INTS9: variants seen among roughly 807,000 people sequenced by gnomAD.
INTS9 encodes the protein protein related to CPSF subunits of 74 kDa.
In INTS9, 55 loss-of-function variants were observed where a neutral mutation model predicts 79.7. The observed-to-expected ratio is 0.69, with a 90% confidence interval of 0.56 to 0.86. The LOEUF is 0.86. INTS9 is among the 40% of genes least tolerant of loss of function. The pLI is 0.00. For synonymous variants in INTS9, 319 were observed against 325.2 expected (o/e 0.98, Z 0.20); for missense variants, 721 against 831.5 (o/e 0.87, Z 1.64).
chr8:28,781,959 C>T (rs1366386802), intron 11 of INTS9, among the ~76,000 whole-genome samples: 1 of 152,148 alleles, frequency 6.6e-6, no homozygotes, highest in Non-Finnish European at 1.5e-5. Context: ...AATGTGGGTT[C>T]ATCAGCCGTA....
At chr8:28,846,374 A>ATTGGCTAAATAATAGC (rs1385000422) in intron 4 of INTS9, among the ~76,000 whole-genome samples, 4 of 152,244 alleles carry the variant, frequency 2.6e-5, no homozygotes, top group African/African-American at 9.6e-5. Context: ...GTTTACTAGC[A>ATTGGCTAAATAATAGC]ATTGTCAATT....
At chr8:28,886,803 G>A (rs984424715) in intron 1 of INTS9, among the ~76,000 whole-genome samples, 2 of 152,096 alleles carry the variant, frequency 1.3e-5, no homozygotes, top group Non-Finnish European at 2.9e-5. Flanking sequence ...TGTAAAATGG[G>A]AATACTGTCA....
intron 8 of INTS9, among the ~76,000 whole-genome samples, chr8:28,801,415 A>G (rs1435907038): frequency 6.6e-6 from 1 of 152,040 alleles, no homozygotes; most frequent in Non-Finnish European, 1.5e-5. Context: ...TCTTAAGCCC[A>G]GGAGGCAGAA....
At chr8:28,807,563 G>C (rs372222202) in intron 8 of INTS9, among the ~76,000 whole-genome samples, 1 of 152,140 alleles carries the variant, frequency 6.6e-6, no homozygotes, top group East Asian at 1.9e-4. Context: ...CAGGAATATT[G>C]GATGGTTAAA....
In INTS9 at chr8:28,796,953, A is replaced by G. The variant is rs7012726; in HGVS notation, c.745-298T>C. On this transcript the variant is annotated intron_variant, in intron 8 of 16. Transcript: ENST00000521022. ...TTAAGATCTTTGTGTTTCACCATAT[A>G]TACATTTTACCTCCATTAAAACAAG... 8.8e-3 allele frequency: 2,325 copies of G among 262,844 alleles called. 52 individuals carry two copies. Among genetic ancestry groups the G allele is most frequent in the African/African-American group, 0.046 (2,150 of 47,098 alleles). 16.3% of individuals were successfully genotyped at this position (262,844 alleles called of 1,614,324 possible).
At chr8:28,787,985 GTTTA>G in intron 10 of INTS9, 96 bp from the exon 11 acceptor site, 3 of 677,918 alleles carry the variant, frequency 4.4e-6, no homozygotes, top group Non-Finnish European at 7.2e-6. Flanking sequence ...AAATACTGAA[GTTTA>G]TTTAAAAATT....
intron 15 of INTS9, among the ~76,000 whole-genome samples, chr8:28,770,728 C>T (rs144365490): frequency 6.6e-6 from 1 of 152,334 alleles, no homozygotes; most frequent in Non-Finnish European, 1.5e-5. Flanking sequence ...GGCAGGGCTG[C>T]ACCTGCCACC....
rs371802017 is a variant in INTS9 at position 28,850,271 on chromosome 8, G to A, written c.140C>T (p.Pro47Leu). The change falls in exon 3 of 17, where the codon CCC (proline) becomes CTC (leucine). Residue 47 changes from proline (P) to leucine (L), a missense_variant and splice_region_variant. Coordinates refer to ENST00000521022, the MANE Select transcript of INTS9 (RefSeq NM_018250.4). ...NFLPLPLVQS[P>L]RLSNLPGWSL... is the part of the protein sequence containing the mutation. ...CCAGCCAGGAAGATTGGACAGCCTG[G>A]GACTGCAAAACAAAAGATTAAGATT... 7 of 1,612,262 alleles carry A rather than the reference G, an allele frequency of 4.3e-6. No homozygotes were observed. In the African/African-American group the frequency reaches 5.3e-5, roughly 12 times the overall value.
At chr8:28,872,793 G>A (rs1809166417) in intron 1 of INTS9, among the ~76,000 whole-genome samples, 1 of 152,162 alleles carries the variant, frequency 6.6e-6, no homozygotes, top group South Asian at 2.1e-4. Flanking sequence ...TTACACAACA[G>A]AGATGTAAAC....
intron 5 of INTS9, among the ~76,000 whole-genome samples, chr8:28,836,369 A>G (rs1426692886): frequency 6.6e-6 from 1 of 152,168 alleles, no homozygotes; most frequent in Non-Finnish European, 1.5e-5. Flanking sequence ...TGATGGCCAG[A>G]GGATGACCAC....
chr8:28,801,843 G>C (rs572660310), intron 8 of INTS9, among the ~76,000 whole-genome samples: 6 of 152,212 alleles, frequency 3.9e-5, no homozygotes, highest in African/African-American at 1.4e-4. Context: ...AAACTCCTGG[G>C]CTCAAGCAAT....
rs535092500 is a variant in INTS9, at chr8:28,795,308, G to A, written c.856+1236C>T. Among the ~76,000 whole-genome samples the A allele has an allele frequency of 1.4e-4, 21 of 152,272 alleles. 1 individual carries two copies. In the South Asian group the frequency reaches 4.1e-3, roughly 30 times the overall value. On this transcript the variant is annotated intron_variant, in intron 9 of 16. Transcript: ENST00000521022. ...GAAGTGATTAGGTTTAGATGAGGTC[G>A]AGGGTGCAGGCCCCATGATGGGATT...
chr8:28,791,603 C>G (rs1414468460), intron 10 of INTS9, among the ~76,000 whole-genome samples: 1 of 152,182 alleles, frequency 6.6e-6, no homozygotes, highest in Non-Finnish European at 1.5e-5. Flanking sequence ...TCTCTGAATA[C>G]CATACAGATA....
intron 5 of INTS9, 75 bp from the exon 6 acceptor site, chr8:28,835,453 A>G: frequency 2.2e-6 from 2 of 912,824 alleles, no homozygotes; most frequent in Non-Finnish European, 3.2e-6. Context: ...ACAGTTGGCC[A>G]GGAGAAATGA....
intron 6 of INTS9, among the ~76,000 whole-genome samples, chr8:28,820,195 A>G (rs1406132054): frequency 6.6e-6 from 1 of 152,212 alleles, no homozygotes; most frequent in Non-Finnish European, 1.5e-5. Flanking sequence ...TCCTGTCATT[A>G]TGATGTTAGC....
intron 6 of INTS9, among the ~76,000 whole-genome samples, chr8:28,826,531 G>C (rs1019977503): frequency 1.3e-5 from 2 of 152,136 alleles, no homozygotes; most frequent in African/African-American, 4.8e-5. Context: ...TTCTGCCATG[G>C]CTCCAAGTGA....
chr8:28,775,901 T>A lies in INTS9; in HGVS notation c.1421A>T (p.Gln474Leu). 1 of 1,590,326 alleles carries A rather than the reference T, an allele frequency of 6.3e-7. No homozygotes were observed. Among genetic ancestry groups the A allele is most frequent in the Non-Finnish European group, 8.6e-7 (1 of 1,168,206 alleles). The change falls in exon 14 of 17, where the codon CAG becomes CTG. Residue 474 changes from glutamine to leucine, a missense_variant. By Grantham distance (113) the Gln-to-Leu change is moderately radical (BLOSUM62 -2). Around this residue, in one of 3 missense-constraint regions of INTS9, gnomAD observed 281 missense variants for 300.8 expected, o/e 0.93. Transcript: ENST00000521022. Reference sequence around the variant, plus strand: ...CTGGGCTGGGGGCGGCTGAGTGTACTGCTCAGGACACACCACGTGCAGGGG... The same window carrying A: ...CTGGGCTGGGGGCGGCTGAGTGTACAGCTCAGGACACACCACGTGCAGGGG... ...VQPLHVVCPE[Q>L]YTQPPPAQSH...
rs926904020 is a variant in INTS9, at chr8:28,873,989, G to A, written c.10-14426C>T. ...GCCTTTTGCCCCCTGGTGTATTTGT[G>A]GATTCTGTTACTGCTTCCGAGGTCT... On this transcript the variant is annotated intron_variant, in intron 1 of 16. Coordinates refer to ENST00000521022, the MANE Select transcript of INTS9 (RefSeq NM_018250.4). 5.3e-5 allele frequency among the ~76,000 whole-genome samples: 8 copies of A among 152,104 alleles called. No individual in the cohort carries two copies. The South Asian group carries it at 1.7e-3, about 32-fold the overall frequency.
chr8:28,770,331 C>T (rs1475324026), intron 15 of INTS9, among the ~76,000 whole-genome samples: 1 of 152,246 alleles, frequency 6.6e-6, no homozygotes, highest in Non-Finnish European at 1.5e-5. Flanking sequence ...CCAGAATACA[C>T]TGTGTCGTGC....
Sources: allele counts gnomAD v4.1 joint callset (sites outside exome capture counted in the v4.1 genomes callset), GRCh38; gene constraint gnomAD v4.1.1; regional missense constraint gnomAD v4.1.1; transcripts MANE v1.5; gene names NCBI Gene and HGNC (gene_info 2026-07-23, HGNC 2026-07-21).